ANO3: variants seen among roughly 807,000 people sequenced by gnomAD.
The protein encoded by ANO3 is anoctamin-3.
Under a neutral mutation model 144.8 loss-of-function variants are expected in ANO3, and 99 were observed. The ratio of observed to expected loss-of-function variants is 0.68; its 90% CI spans 0.58 to 0.81. The LOEUF is 0.81. ANO3 is among the 30% of genes least tolerant of loss of function. The pLI, the probability that ANO3 is intolerant of heterozygous loss-of-function variation, is 0.00. For synonymous variants in ANO3, 414 were observed against 392.6 expected (o/e 1.05, Z -0.64); for missense variants, 905 against 1,202.2 (o/e 0.75, Z 3.66).
intron 1 of ANO3, among the ~76,000 whole-genome samples, chr11:26,407,076 G>GTATATATATATATATATA (rs374806519): frequency 1.4e-4 from 14 of 101,468 alleles, no homozygotes; most frequent in East Asian, 3.2e-4. Context: ...GTGTGTGTGT[G>GTATATATATATATATATA]TATATATATA....
chr11:26,426,875 C>T (rs555091727), intron 1 of ANO3, among the ~76,000 whole-genome samples: 1 of 152,308 alleles, frequency 6.6e-6, no homozygotes, highest in South Asian at 2.1e-4. Flanking sequence ...ACACTTTAAA[C>T]TTTGGAAGAT....
At chr11:26,223,616 A>AC (rs904521666) in intron 1 of ANO3, among the ~76,000 whole-genome samples, 17 of 146,896 alleles carry the variant, frequency 1.2e-4, no homozygotes, top group Admixed American at 1.4e-4. Flanking sequence ...AAAAAAAAAA[A>AC]AAAAAACCCT....
intron 12 of ANO3, among the ~76,000 whole-genome samples, chr11:26,550,743 CAG>C (rs1849911874): frequency 1.3e-5 from 2 of 151,912 alleles, no homozygotes; most frequent in Admixed American, 1.3e-4. Flanking sequence ...GGAGTGCAGA[CAG>C]CACTTCCAGA....
At chr11:26,615,655 A>G (rs1590634810) in intron 17 of ANO3, among the ~76,000 whole-genome samples, 1 of 152,156 alleles carries the variant, frequency 6.6e-6, no homozygotes, top group South Asian at 2.1e-4. Flanking sequence ...CTTTCTCTAC[A>G]CTTGCTTCCC....
chr11:26,372,966 G>T (rs140241032), intron 1 of ANO3, among the ~76,000 whole-genome samples: 1 of 152,008 alleles, frequency 6.6e-6, no homozygotes, highest in African/African-American at 2.4e-5. Context: ...AAATATAAAG[G>T]ATAACATAAA....
intron 14 of ANO3, chr11:26,563,284 T>A: frequency 6.4e-7 from 1 of 1,573,942 alleles, no homozygotes. Context: ...CAAAAAAAAT[T>A]TAAAGAAATA....
chr11:26,525,510 CTT>C, intron 6 of ANO3, 123 bp from the exon 7 acceptor site: 1 of 707,636 alleles, frequency 1.4e-6, no homozygotes, highest in Non-Finnish European at 2.4e-6. Flanking sequence ...TTTCAAACAT[CTT>C]AAGTTTCTTA....
At chr11:26,229,137 G>A (rs1852330564) in intron 1 of ANO3, among the ~76,000 whole-genome samples, 1 of 151,610 alleles carries the variant, frequency 6.6e-6, no homozygotes. Context: ...CTACTATATT[G>A]GTAGAAATTT....
chr11:26,363,404 G>A (rs960719193), intron 1 of ANO3, among the ~76,000 whole-genome samples: 4 of 152,084 alleles, frequency 2.6e-5, no homozygotes, highest in Non-Finnish European at 4.4e-5. Flanking sequence ...GGTGTTGGCA[G>A]GTGTGGTTTC....
rs192517242 is a variant in ANO3 at position 26,386,835 on chromosome 11, T to C, written c.46+54514T>C. 3.9e-3 allele frequency among the ~76,000 whole-genome samples: 596 copies of C among 152,306 alleles called. 2 individuals carry two copies. Among genetic ancestry groups the C allele is most frequent in the Middle Eastern group, 6.8e-3 (2 of 294 alleles). Reference sequence around the variant, plus strand: ...AAAATTTTCTTAAAAAAGAACACTGTGGATATAATTAGTAAAATTTAAATC... The same window carrying C: ...AAAATTTTCTTAAAAAAGAACACTGCGGATATAATTAGTAAAATTTAAATC... On this transcript the variant is annotated intron_variant, in intron 1 of 26. Transcript: ENST00000256737.
chr11:26,287,075 T>C (rs576466894), intron 1 of ANO3, among the ~76,000 whole-genome samples: 2 of 152,280 alleles, frequency 1.3e-5, no homozygotes, highest in East Asian at 1.9e-4. Flanking sequence ...ATTAGGTTCA[T>C]GGATATTTGA....
chr11:26,535,730 C>T (rs1230989516), intron 9 of ANO3, among the ~76,000 whole-genome samples: 7 of 151,422 alleles, frequency 4.6e-5, no homozygotes, highest in Non-Finnish European at 8.8e-5. Flanking sequence ...CTACAGGCAC[C>T]CTCCACCACG....
chr11:26,238,317 A>T (rs1457915767), intron 1 of ANO3, among the ~76,000 whole-genome samples: 1 of 152,134 alleles, frequency 6.6e-6, no homozygotes, highest in Non-Finnish European at 1.5e-5. Flanking sequence ...GTAGAGCCAA[A>T]ACTGGACAAC....
chr11:26,362,197 A>G (rs1424490425), intron 1 of ANO3, among the ~76,000 whole-genome samples: 1 of 152,152 alleles, frequency 6.6e-6, no homozygotes, highest in East Asian at 1.9e-4. Flanking sequence ...AGCCACAATT[A>G]ATCATTAAAA....
Position 26,531,355 on chromosome 11 carries a change from T to A in ANO3, c.869+19T>A, listed in dbSNP as rs141325730. On this transcript the variant is annotated intron_variant, in intron 8 of 26. Coordinates refer to ENST00000256737, the MANE Select transcript of ANO3 (RefSeq NM_031418.4). Reference sequence around the variant, plus strand: ...TTCACCAGTGAGTTCCCCTCTTTTTTCATACTGCCTACCTTTATATCTTGG... The same window carrying A: ...TTCACCAGTGAGTTCCCCTCTTTTTACATACTGCCTACCTTTATATCTTGG... 91 of 1,598,792 alleles carry A rather than the reference T, an allele frequency of 5.7e-5. 1 individual carries two copies. The East Asian group carries it at 2.0e-3, about 36-fold the overall frequency.
intron 1 of ANO3, among the ~76,000 whole-genome samples, chr11:26,254,849 T>C (rs987944903): frequency 1.3e-5 from 2 of 152,168 alleles, no homozygotes; most frequent in Admixed American, 6.5e-5. Flanking sequence ...ATTCCCGGCA[T>C]TACAGTACAA....
chr11:26,319,824 A>AT (rs1189577239), intron 1 of ANO3, among the ~76,000 whole-genome samples: 1 of 152,132 alleles, frequency 6.6e-6, no homozygotes, highest in African/African-American at 2.4e-5. Flanking sequence ...AAAACACTTT[A>AT]TTTTTTTAAA....
intron 1 of ANO3, among the ~76,000 whole-genome samples, chr11:26,260,462 A>G (rs946047464): frequency 1.3e-5 from 2 of 152,210 alleles, no homozygotes; most frequent in Admixed American, 1.3e-4. Flanking sequence ...CTGCCAAAGT[A>G]GTACATGAGA....
chr11:26,197,456 C>G (rs1225088673), intron 1 of ANO3, among the ~76,000 whole-genome samples: 2 of 152,104 alleles, frequency 1.3e-5, no homozygotes, highest in African/African-American at 4.8e-5. Flanking sequence ...TCAAGTGATT[C>G]TCCTGCCTCA....
Sources: allele counts gnomAD v4.1 joint callset (sites outside exome capture counted in the v4.1 genomes callset), GRCh38; gene constraint gnomAD v4.1.1; transcripts MANE v1.5; gene names NCBI Gene and HGNC (gene_info 2026-07-23, HGNC 2026-07-21).